ZNF793: variants seen among roughly 807,000 people sequenced by gnomAD.
ZNF793 encodes zinc finger protein 793.
Under a neutral mutation model 12.4 loss-of-function variants are expected in ZNF793, and 5 were observed. The ratio of observed to expected loss-of-function variants is 0.40; its 90% CI spans 0.21 to 0.84. The LOEUF (loss-of-function observed/expected upper bound fraction) is 0.84, where lower values mean the gene tolerates loss of function less well. Among genes scored for constraint, ZNF793 ranks in the 40% least tolerant of loss-of-function variants. ZNF793 has a pLI of 0.35. For synonymous variants in ZNF793, 162 were observed against 172.4 expected, an observed-to-expected ratio of 0.94 and a Z score of 0.47; for missense variants, 456 against 495.0, an observed-to-expected ratio of 0.92 and a Z score of 0.75.
At chr19:37,526,523 C>T (rs2042417164) in intron 5 of ZNF793, among the ~76,000 whole-genome samples, 1 of 152,230 alleles carries the variant, frequency 6.6e-6, no homozygotes, top group African/African-American at 2.4e-5. Context: ...GAGCCTGTCA[C>T]TGTGCCCTGT....
chr19:37,512,538 A>G (rs1429904282), intron 2 of ZNF793, among the ~76,000 whole-genome samples: 1 of 151,356 alleles, frequency 6.6e-6, no homozygotes, highest in Non-Finnish European at 1.5e-5. Flanking sequence ...ACTAACAATA[A>G]TAATAATAAT....
In ZNF793 at chr19:37,532,339, C is replaced by A; in HGVS notation, c.16-17C>A. On this transcript the variant is annotated splice_polypyrimidine_tract_variant and intron_variant, in intron 5 of 7. Transcript: ENST00000627814. ...ATTTTTTTTCGACATGACTCAATGTCATTTTTGTTTCAACAGATACCTGTG... is the reference window on the plus strand; with the variant it reads ...ATTTTTTTTCGACATGACTCAATGTAATTTTTGTTTCAACAGATACCTGTG... 2 of 1,610,706 alleles carry A rather than the reference C, an allele frequency of 1.2e-6. No homozygotes were observed. The highest frequency in any genetic ancestry group is 2.2e-5 in the South Asian group (2 of 90,774).
Position 37,520,231 on chromosome 19 carries a change from CG to C in ZNF793, c.-225del, listed in dbSNP as rs1266799738. 6.6e-6 allele frequency: 1 copy of C among 152,384 alleles called. No individual in the cohort carries two copies. The highest frequency in any genetic ancestry group is 2.4e-5 in the African/African-American group (1 of 41,448). 9.4% of individuals were successfully genotyped at this position (152,384 alleles called of 1,614,324 possible). On this transcript the variant is annotated 5_prime_UTR_variant, in exon 3 of 8. Transcript: ENST00000627814. ...CTTTGGATCCTGCCACCTTGCTGGA[CG>C]GGAGGGCTCTCTAGCTCCTGCCAGC...
In ZNF793 at chr19:37,537,293, C is replaced by T. The variant is rs748326380; in HGVS notation, c.635C>T (p.Ser212Phe). The part of the protein sequence containing the change: ...ALMYKPAVSD[S>F]LLYKRKRVPP... ...ATGTATAAACCAGCAGTAAGTGATT[C>T]TCTCTTGTACAAACGGAAGAGGGTT... The change falls in exon 8 of 8, where the codon TCT becomes TTT. Residue 212 changes from serine to phenylalanine, a missense_variant. By Grantham distance (155) the Ser-to-Phe change is radical (BLOSUM62 -2). Transcript: ENST00000627814. The T allele has an allele frequency of 1.9e-5, 30 of 1,613,678 alleles. No homozygotes were observed. The highest frequency in any genetic ancestry group is 7.6e-6 in the Non-Finnish European group (9 of 1,179,864).
At chr19:37,525,129 C>A (rs757883572) in intron 5 of ZNF793, among the ~76,000 whole-genome samples, 10 of 151,482 alleles carry the variant, frequency 6.6e-5, no homozygotes, top group Non-Finnish European at 1.0e-4. Flanking sequence ...TGATTTCTTT[C>A]TGTTTTCTCT....
intron 7 of ZNF793, chr19:37,534,276 G>C (rs1346508820): frequency 3.9e-5 from 6 of 151,968 alleles, no homozygotes; most frequent in Admixed American, 2.0e-4. Context: ...CTTTCCAGTG[G>C]TGTAATCCTC....
At position 37,537,790 on chromosome 19, in the gene ZNF793, C is replaced by A. The variant is rs754999924; in HGVS notation, c.1132C>A (p.Gln378Lys). The A allele has an allele frequency of 6.2e-7, 1 of 1,613,996 alleles. No individual in the cohort carries two copies. The highest frequency in any genetic ancestry group is 1.1e-5 in the South Asian group (1 of 91,084). Residue 378 changes from glutamine to lysine, a missense_variant, in exon 8 of 8, where the codon CAG (glutamine) becomes AAG (lysine). Gln to Lys is a moderately conservative substitution (Grantham distance 53). Coordinates refer to ENST00000627814, the MANE Select transcript of ZNF793 (RefSeq NM_001013659.3). ...GCNECGKAFY[Q>K]KPNLSRHQKI... ...CAATGAATGTGGGAAAGCTTTCTAC[C>A]AGAAGCCAAACCTCAGCAGACATCA...
rs74914597 is a variant in ZNF793 at position 37,512,857 on chromosome 19, A to G, written c.-276+4454A>G. On this transcript the variant is annotated intron_variant, in intron 2 of 7. Coordinates refer to ENST00000627814, the MANE Select transcript of ZNF793 (RefSeq NM_001013659.3). ...ATTCCTTTTAATGGTCCAGGATTCT[A>G]ATCCAGTGTTACATGTTGTATTTAG... is the stretch of plus-strand genomic sequence containing the variant. 4.8e-3 allele frequency among the ~76,000 whole-genome samples: 728 copies of G among 152,346 alleles called. 31 individuals carry two copies. The East Asian group carries it at 0.079, about 16-fold the overall frequency.
At chr19:37,511,513 A>G (rs993608163) in intron 2 of ZNF793, among the ~76,000 whole-genome samples, 1 of 152,116 alleles carries the variant, frequency 6.6e-6, no homozygotes, top group Admixed American at 6.5e-5. Flanking sequence ...TCTACTAAAA[A>G]TACAAAAATC....
chr19:37,526,657 T>G (rs1220703998), intron 5 of ZNF793, among the ~76,000 whole-genome samples: 1 of 152,230 alleles, frequency 6.6e-6, no homozygotes, highest in African/African-American at 2.4e-5. Context: ...TGTGCCAGCC[T>G]CCATGGCCCC....
At position 37,523,433 on chromosome 19, in the gene ZNF793, G is replaced by A; in HGVS notation, c.-7G>A. On this transcript the variant is annotated 5_prime_UTR_variant, in exon 5 of 8. Transcript: ENST00000627814. ...AGGTGTCAGATCTTTTTCAAGAACA[G>A]CAGAAAATGATCGAATACCAGGTAA... is the stretch of plus-strand genomic sequence containing the variant. 6.2e-7 allele frequency: 1 copy of A among 1,613,526 alleles called. No individual in the cohort carries two copies. Among genetic ancestry groups the A allele is most frequent in the Non-Finnish European group, 8.5e-7 (1 of 1,179,526 alleles).
Position 37,528,134 on chromosome 19 carries a change from A to AAATT in ZNF793, c.16-4207_16-4204dup, listed in dbSNP as rs533073692. Among the ~76,000 whole-genome samples the AAATT allele has an allele frequency of 4.0e-4, 61 of 152,246 alleles. No homozygotes were observed. The South Asian group carries it at 7.3e-3, about 18-fold the overall frequency. ...ACACAGCAAGACTCCATCTCAAAAT[A>AAATT]AATTAATTAATTAATTAAGTAAAAT... On this transcript the variant is annotated intron_variant, in intron 5 of 7. Coordinates refer to ENST00000627814, the MANE Select transcript of ZNF793 (RefSeq NM_001013659.3).
At chr19:37,517,647 A>C (rs1274745463) in intron 2 of ZNF793, among the ~76,000 whole-genome samples, 1 of 152,106 alleles carries the variant, frequency 6.6e-6, no homozygotes, top group Non-Finnish European at 1.5e-5. Flanking sequence ...CTTTATGTAG[A>C]AATGGAGTAG....
chr19:37,533,732 A>G, intron 7 of ZNF793: 1 of 462,330 alleles, frequency 2.2e-6, no homozygotes. Context: ...AAAATGCTTC[A>G]GAGCTACCTG....
chr19:37,530,868 G>A (rs991611070), intron 5 of ZNF793, among the ~76,000 whole-genome samples: 6 of 152,074 alleles, frequency 3.9e-5, no homozygotes, highest in East Asian at 3.9e-4. Flanking sequence ...TGTTTATCCC[G>A]TCTACTCTTT....
chr19:37,518,212 G>A (rs188017923), intron 2 of ZNF793, among the ~76,000 whole-genome samples: 1 of 151,818 alleles, frequency 6.6e-6, no homozygotes, highest in African/African-American at 2.4e-5. Context: ...TGCAACCTCC[G>A]CCTCCTGGGT....
In ZNF793 at chr19:37,537,453, A is replaced by C; in HGVS notation, c.795A>C (p.Ser265=). ...YGCTDCGKAF[S]HKSTLIKHQR... is the part of the protein sequence containing the mutation. ...GCACTGACTGTGGGAAAGCCTTTTC[A>C]CATAAGTCAACCCTCATCAAACACC... Residue 265 remains serine (S), a synonymous_variant, in exon 8 of 8, where the codon TCA becomes TCC. Coordinates refer to ENST00000627814, the MANE Select transcript of ZNF793 (RefSeq NM_001013659.3). 6.2e-7 allele frequency: 1 copy of C among 1,613,766 alleles called. No individual in the cohort carries two copies. The highest frequency in any genetic ancestry group is 8.5e-7 in the Non-Finnish European group (1 of 1,179,772).
At chr19:37,530,144 C>T (rs1159604051) in intron 5 of ZNF793, among the ~76,000 whole-genome samples, 1 of 152,124 alleles carries the variant, frequency 6.6e-6, no homozygotes, top group Non-Finnish European at 1.5e-5. Flanking sequence ...CATCTCAATG[C>T]CTTACAGAGC....
chr19:37,530,749 G>A (rs927679847), intron 5 of ZNF793, among the ~76,000 whole-genome samples: 2 of 152,042 alleles, frequency 1.3e-5, no homozygotes, highest in African/African-American at 4.8e-5. Flanking sequence ...GTAACAATCT[G>A]ATCTCTCTTT....
Sources: gnomAD v4.1 joint callset for allele counts (sites outside exome capture counted in the v4.1 genomes callset) on GRCh38, gnomAD v4.1.1 for gene constraint, MANE v1.5 for transcripts, NCBI Gene and HGNC (gene_info 2026-07-23, HGNC 2026-07-21) for gene names.